The following VWC2 variants were observed in gnomAD, a reference collection of about 807,000 sequenced individuals.
VWC2 encodes the protein brorin.
VWC2 carries 14 observed loss-of-function variants against 29.8 expected under a neutral mutation model. The observed-to-expected ratio is 0.47, with a 90% CI of 0.31 to 0.74. VWC2 has a LOEUF of 0.74. VWC2 is among the 30% of genes least tolerant of loss of function. The pLI, the probability that VWC2 is intolerant of heterozygous loss-of-function variation, is 0.05. For missense variants in VWC2, 457 were observed against 459.8 expected (o/e 0.99, Z 0.05); for synonymous variants, 213 against 199.0 (o/e 1.07, Z -0.59).
At chr7:49,832,522 T>G (rs1333868008) in intron 3 of VWC2, among the ~76,000 whole-genome samples, 1 of 152,132 alleles carries the variant, frequency 6.6e-6, no homozygotes, top group Non-Finnish European at 1.5e-5. Flanking sequence ...AGTGTATTGG[T>G]CATTTGAAAG....
At chr7:49,904,871 G>A (rs563479998) in intron 3 of VWC2, among the ~76,000 whole-genome samples, 1 of 151,808 alleles carries the variant, frequency 6.6e-6, no homozygotes, top group African/African-American at 2.4e-5. Flanking sequence ...AAGTAGCTTG[G>A]ATTATAGGCA....
chr7:49,916,646 C>G lies in VWC2; in HGVS notation c.*4461C>G, dbSNP rs142310892. 3 of 152,268 alleles carry G rather than the reference C, an allele frequency of 2.0e-5. No homozygotes were observed. In the East Asian group the frequency reaches 5.8e-4, roughly 29 times the overall value. 9.4% of individuals were successfully genotyped at this position (152,268 alleles called of 1,614,324 possible). On this transcript the variant is annotated 3_prime_UTR_variant, in exon 4 of 4. Coordinates refer to ENST00000340652, the MANE Select transcript of VWC2 (RefSeq NM_198570.5). ...CAATTCCCAAAACATCACCCAATAT[C>G]TATATGTTAAAGGCTTGTTGAATTG...
intron 3 of VWC2, among the ~76,000 whole-genome samples, chr7:49,852,859 A>G (rs1790238879): frequency 1.3e-5 from 2 of 152,310 alleles, no homozygotes; most frequent in Admixed American, 6.5e-5. Flanking sequence ...TCCTTGAACT[A>G]CAGTTGCAGA....
chr7:49,870,395 G>T (rs1009045251), intron 3 of VWC2, among the ~76,000 whole-genome samples: 12 of 152,210 alleles, frequency 7.9e-5, no homozygotes, highest in Middle Eastern at 3.4e-3. Context: ...GTGAGACTCC[G>T]TCTCAAAAAA....
At chr7:49,822,720 T>C (rs993993088) in intron 3 of VWC2, among the ~76,000 whole-genome samples, 2 of 152,236 alleles carry the variant, frequency 1.3e-5, no homozygotes, top group East Asian at 3.8e-4. Flanking sequence ...ATTATCACTG[T>C]GGTTATTTTT....
chr7:49,848,807 C>CA (rs1255870057), intron 3 of VWC2, among the ~76,000 whole-genome samples: 1 of 152,182 alleles, frequency 6.6e-6, no homozygotes, highest in African/African-American at 2.4e-5. Context: ...TTTTATGCCA[C>CA]AATTCAAATA....
intron 3 of VWC2, among the ~76,000 whole-genome samples, chr7:49,892,565 C>A (rs964922435): frequency 2.0e-5 from 3 of 152,136 alleles, no homozygotes; most frequent in African/African-American, 7.2e-5. Flanking sequence ...GCTTCCCAGG[C>A]CCTGGTCATG....
rs559649671 is a variant in VWC2, at chr7:49,782,469, C to T, written c.696+6338C>T. On this transcript the variant is annotated intron_variant, in intron 2 of 3. Coordinates refer to ENST00000340652, the MANE Select transcript of VWC2 (RefSeq NM_198570.5). ...GAGGACAGGGTACTTATCATCTGAA[C>T]GGTGGGGTGAATGGGGTTCTGTTTT... Among the ~76,000 whole-genome samples the T allele has an allele frequency of 2.6e-4, 39 of 151,760 alleles. 2 individuals are homozygous for T. The highest frequency in any genetic ancestry group is 3.8e-4 in the Non-Finnish European group (26 of 67,950).
At chr7:49,866,338 T>C (rs1240262350) in intron 3 of VWC2, among the ~76,000 whole-genome samples, 1 of 152,204 alleles carries the variant, frequency 6.6e-6, no homozygotes, top group African/African-American at 2.4e-5. Context: ...TGACTGGCGT[T>C]CTTCCCTCAT....
At position 49,778,912 on chromosome 7, in the gene VWC2, A is replaced by G. The variant is rs975345305; in HGVS notation, c.696+2781A>G. 2.6e-5 allele frequency among the ~76,000 whole-genome samples: 4 copies of G among 152,370 alleles called. No homozygotes were observed. The South Asian group carries it at 8.3e-4, about 32-fold the overall frequency. On this transcript the variant is annotated intron_variant, in intron 2 of 3. Coordinates refer to ENST00000340652, the MANE Select transcript of VWC2 (RefSeq NM_198570.5). ...ATGTGATTCAAATGGAGATTGTGGT[A>G]CAGTCGGGTCATGCCTGGAACACTG...
chr7:49,863,279 CT>C (rs1243788596), intron 3 of VWC2, among the ~76,000 whole-genome samples: 1 of 152,086 alleles, frequency 6.6e-6, no homozygotes, highest in Non-Finnish European at 1.5e-5. Flanking sequence ...CTTTACAATC[CT>C]TTCTATTTCT....
intron 2 of VWC2, among the ~76,000 whole-genome samples, chr7:49,792,767 C>T (rs925123791): frequency 2.6e-5 from 4 of 152,178 alleles, no homozygotes; most frequent in African/African-American, 9.7e-5. Flanking sequence ...ATGTTGGAGT[C>T]ACTGCACAGC....
chr7:49,780,320 G>A (rs960313973), intron 2 of VWC2, among the ~76,000 whole-genome samples: 3 of 152,156 alleles, frequency 2.0e-5, no homozygotes, highest in Non-Finnish European at 4.4e-5. Flanking sequence ...AAAACTAAAA[G>A]GTGACTAAGG....
intron 3 of VWC2, among the ~76,000 whole-genome samples, chr7:49,896,101 G>A (rs1288654545): frequency 6.6e-6 from 1 of 152,176 alleles, no homozygotes; most frequent in Non-Finnish European, 1.5e-5. Context: ...AGCACTTTGG[G>A]AGGCCAAAGT....
At chr7:49,845,654 A>G (rs1789924079) in intron 3 of VWC2, among the ~76,000 whole-genome samples, 1 of 151,244 alleles carries the variant, frequency 6.6e-6, no homozygotes. Context: ...TTAAAATACC[A>G]ACCTTCGGTG....
chr7:49,870,381 C>T (rs899496763), intron 3 of VWC2, among the ~76,000 whole-genome samples: 17 of 152,188 alleles, frequency 1.1e-4, no homozygotes, highest in Non-Finnish European at 1.5e-4. Context: ...CCCTGGGTGA[C>T]GCAGTGAGAC....
At chr7:49,887,618 T>C (rs1383616372) in intron 3 of VWC2, among the ~76,000 whole-genome samples, 1 of 152,224 alleles carries the variant, frequency 6.6e-6, no homozygotes, top group Non-Finnish European at 1.5e-5. Flanking sequence ...TGGTTTCCAT[T>C]TGTACAGGAT....
At chr7:49,898,353 A>C (rs1389409479) in intron 3 of VWC2, among the ~76,000 whole-genome samples, 1 of 151,694 alleles carries the variant, frequency 6.6e-6, no homozygotes, top group Non-Finnish European at 1.5e-5. Flanking sequence ...TCTTTCTATG[A>C]TGTTACTTCT....
At chr7:49,847,775 CCT>C (rs1444123941) in intron 3 of VWC2, among the ~76,000 whole-genome samples, 3 of 152,086 alleles carry the variant, frequency 2.0e-5, no homozygotes, top group African/African-American at 7.2e-5. Context: ...AGGAACTGCC[CCT>C]GTGTCTGGAA....
Sources: allele counts gnomAD v4.1 joint callset (sites outside exome capture counted in the v4.1 genomes callset), GRCh38; gene constraint gnomAD v4.1.1; transcripts MANE v1.5; gene names NCBI Gene and HGNC (gene_info 2026-07-23, HGNC 2026-07-21).